Variants in CP observed in about 807,000 individuals in gnomAD.
CP encodes ceruloplasmin.
Under a neutral mutation model 122.4 loss-of-function variants are expected in CP, and 64 were observed. The ratio of observed to expected loss-of-function variants is 0.52; its 90% confidence interval spans 0.43 to 0.64. The LOEUF is 0.64. CP is among the 30% of genes least tolerant of loss of function. The pLI is 0.00. For missense variants in CP, 1,167 were observed against 1,284.4 expected (o/e 0.91, Z 1.40); for synonymous variants, 440 against 436.4 (o/e 1.01, Z -0.10).
intron 4 of CP, among the ~76,000 whole-genome samples, chr3:149,208,475 T>G (rs1473533643): frequency 6.6e-6 from 1 of 152,204 alleles, no homozygotes; most frequent in Non-Finnish European, 1.5e-5. Flanking sequence ...AATCTGTACT[T>G]TGTTAACTAG....
chr3:149,213,436 T>C (rs531134059), intron 1 of CP, among the ~76,000 whole-genome samples: 1 of 152,320 alleles, frequency 6.6e-6, no homozygotes, highest in East Asian at 1.9e-4. Context: ...AAAGAAAAGA[T>C]GGAAAGAAAG....
chr3:149,175,250 G>C (rs1197219097), intron 18 of CP, among the ~76,000 whole-genome samples: 1 of 152,030 alleles, frequency 6.6e-6, no homozygotes, highest in African/African-American at 2.4e-5. Context: ...CTTTGTTCAA[G>C]TTATTGGCGT....
chr3:149,207,263 T>C (rs1727799001), intron 5 of CP, 100 bp downstream of exon 5: 2 of 1,470,518 alleles, frequency 1.4e-6, no homozygotes, highest in African/African-American at 1.4e-5. Flanking sequence ...AGATGCCAGT[T>C]CAAAGCTCAG....
chr3:149,189,413 G>T (rs1395576414), intron 9 of CP, among the ~76,000 whole-genome samples: 3 of 151,418 alleles, frequency 2.0e-5, no homozygotes, highest in Admixed American at 2.0e-4. Flanking sequence ...AATTAGCCGG[G>T]TGTGATGGCG....
At chr3:149,192,016 C>A (rs1329222558) in intron 9 of CP, among the ~76,000 whole-genome samples, 2 of 151,914 alleles carry the variant, frequency 1.3e-5, no homozygotes, top group South Asian at 4.2e-4. Context: ...TAAAAACTAC[C>A]AATGGCAGTT....
intron 1 of CP, among the ~76,000 whole-genome samples, chr3:149,216,207 G>T (rs887282056): frequency 2.0e-5 from 3 of 152,180 alleles, no homozygotes; most frequent in Non-Finnish European, 4.4e-5. Context: ...ATGGGTCAGA[G>T]TCTGGCATGG....
At chr3:149,163,745 C>A in intron 5 of CP, 1 of 724,344 alleles carries the variant, frequency 1.4e-6, no homozygotes, top group Non-Finnish European at 2.5e-6. Context: ...AATTCTATGA[C>A]ATGGCAGAGA....
chr3:149,187,758 A>G (rs1056083010), intron 10 of CP, among the ~76,000 whole-genome samples: 5 of 152,218 alleles, frequency 3.3e-5, no homozygotes, highest in African/African-American at 1.2e-4. Flanking sequence ...TTTGTAGGTC[A>G]GGGTAGGGGT....
intron 5 of CP, among the ~76,000 whole-genome samples, chr3:149,206,816 A>G (rs1305911126): frequency 3.3e-5 from 5 of 152,198 alleles, no homozygotes; most frequent in Non-Finnish European, 5.9e-5. Context: ...TATTTGATAA[A>G]AGCAATTATA....
At chr3:149,206,538 T>C (rs903115416) in intron 5 of CP, among the ~76,000 whole-genome samples, 199 bp from the exon 6 acceptor site, 5 of 152,256 alleles carry the variant, frequency 3.3e-5, no homozygotes, top group Non-Finnish European at 4.4e-5. Context: ...CTTTGTTTTT[T>C]ATGTACATAC....
At chr3:149,179,787 G>A in intron 14 of CP, 125 bp from the exon 15 acceptor site, 1 of 693,906 alleles carries the variant, frequency 1.4e-6, no homozygotes, top group Non-Finnish European at 2.5e-6. Context: ...GGAAATGTCA[G>A]TGTAATTAGT....
intron 13 of CP, among the ~76,000 whole-genome samples, chr3:149,182,543 G>T (rs34312834): frequency 1.3e-3 from 194 of 152,202 alleles, no homozygotes; most frequent in African/African-American, 4.4e-3. Flanking sequence ...CAAGCCTCAG[G>T]GGAATGCTGA....
chr3:149,184,495 G>T (rs954624180), intron 12 of CP, among the ~76,000 whole-genome samples: 1 of 152,164 alleles, frequency 6.6e-6, no homozygotes, highest in Non-Finnish European at 1.5e-5. Context: ...ATGCACCCTG[G>T]ATCTGAACAC....
chr3:149,181,976 A>AGGGGGGGGG, intron 14 of CP, 29 bp downstream of exon 14: 4 of 561,802 alleles, frequency 7.1e-6, no homozygotes, highest in African/African-American at 2.2e-5. Flanking sequence ...GTTAAAATGC[A>AGGGGGGGGG]CCACCCCCAC....
intron 13 of CP, among the ~76,000 whole-genome samples, chr3:149,182,444 C>G (rs1445142147): frequency 1.3e-5 from 2 of 152,098 alleles, no homozygotes; most frequent in Non-Finnish European, 2.9e-5. Context: ...TTTATCCAAT[C>G]TTAGCTTGTC....
At chr3:149,189,179 G>C (rs1036936055) in intron 9 of CP, among the ~76,000 whole-genome samples, 1 of 152,158 alleles carries the variant, frequency 6.6e-6, no homozygotes, top group Admixed American at 6.5e-5. Flanking sequence ...AGATTCAAAA[G>C]CTTCCTGAAA....
chr3:149,185,537 C>T, intron 11 of CP, 91 bp from the exon 12 acceptor site: 1 of 1,213,844 alleles, frequency 8.2e-7, no homozygotes, highest in African/African-American at 1.5e-5. Context: ...AAGTCCTTAT[C>T]ATGGCCTCAG....
chr3:149,204,201 T>G (rs563058042), intron 6 of CP, among the ~76,000 whole-genome samples: 15 of 152,236 alleles, frequency 9.9e-5, no homozygotes, highest in African/African-American at 3.6e-4. Flanking sequence ...CCCAGGGCAG[T>G]GAGAAGCATT....
Position 149,202,251 on chromosome 3 carries a change from GA to G in CP, c.1209-11del, listed in dbSNP as rs748250466. 5.6e-6 allele frequency: 9 copies of G among 1,613,912 alleles called. No individual in the cohort carries two copies. Among genetic ancestry groups the G allele is most frequent in the Middle Eastern group, 1.6e-4 (1 of 6,084 alleles). On this transcript the variant is annotated splice_polypyrimidine_tract_variant and intron_variant, in intron 6 of 18. Coordinates refer to ENST00000264613, the MANE Select transcript of CP (RefSeq NM_000096.4). ...AAACACCGCTGAGTCACTGCAGGGGGAAAAAAGTGTTTAATGCTGGGGTTGA... is the reference window on the plus strand; with the variant it reads ...AAACACCGCTGAGTCACTGCAGGGGGAAAAAGTGTTTAATGCTGGGGTTGA...
Sources: allele counts gnomAD v4.1 joint callset (sites outside exome capture counted in the v4.1 genomes callset), GRCh38; gene constraint gnomAD v4.1.1; transcripts MANE v1.5; gene names NCBI Gene and HGNC (gene_info 2026-07-23, HGNC 2026-07-21).